The following PACRG variants were observed in gnomAD, a reference collection of about 807,000 sequenced individuals.
PACRG encodes the protein parkin coregulated.
Under a neutral mutation model 29.7 loss-of-function variants are expected in PACRG, and 29 were observed. The ratio of observed to expected loss-of-function variants is 0.98; its 90% confidence interval spans 0.73 to 1.33. PACRG has a LOEUF of 1.33. PACRG is among the 40% of genes most tolerant of loss of function. PACRG has a pLI of 0.00. For missense variants in PACRG, 279 were observed against 316.2 expected (o/e 0.88, Z 0.89); for synonymous variants, 116 against 118.7 (o/e 0.98, Z 0.15).
At chr6:162,787,578 GTGTGTATATATATATATATATATATA>G (rs1784581923) in intron 1 of PACRG, among the ~76,000 whole-genome samples, 1 of 51,452 alleles carries the variant, frequency 1.9e-5, no homozygotes, top group East Asian at 8.0e-4. Context: ...GTGTGTGTGT[GTGTGTATATATATATATATATATATA>G]TATATATATA....
intron 2 of PACRG, among the ~76,000 whole-genome samples, chr6:163,022,525 T>C (rs6925989): frequency 0.55 from 84,093 of 152,054 alleles, 25,716 homozygotes; most frequent in East Asian, 0.96. Context: ...ACTGGAGTTC[T>C]GACGAGGAGC....
At chr6:163,271,165 A>G (rs2321510) in intron 4 of PACRG, among the ~76,000 whole-genome samples, 99,428 of 151,742 alleles carry the variant, frequency 0.66, 32,589 homozygotes, top group Middle Eastern at 0.69. Context: ...CGGGAGAAAG[A>G]TGAAGGCCAG....
intron 4 of PACRG, chr6:163,182,687 A>T (rs1384901610): frequency 6.6e-6 from 1 of 152,250 alleles, no homozygotes. Flanking sequence ...TAAATGTAGC[A>T]TTTTCACCTA....
intron 2 of PACRG, among the ~76,000 whole-genome samples, chr6:162,820,691 A>G (rs551309957): frequency 6.6e-6 from 1 of 152,344 alleles, no homozygotes; most frequent in South Asian, 2.1e-4. Context: ...TAAAACTGAT[A>G]TTGACTTTTG....
At chr6:163,047,941 T>G (rs187337980) in intron 2 of PACRG, among the ~76,000 whole-genome samples, 2 of 152,356 alleles carry the variant, frequency 1.3e-5, no homozygotes, top group East Asian at 3.9e-4. Flanking sequence ...TCTTAAAGTG[T>G]TTGTTTTACT....
At chr6:163,103,551 G>A (rs557588349) in intron 4 of PACRG, among the ~76,000 whole-genome samples, 2 of 152,244 alleles carry the variant, frequency 1.3e-5, no homozygotes, top group Admixed American at 1.3e-4. Context: ...GAACTATGTG[G>A]AATAATCCCT....
At chr6:163,114,624 T>A in intron 4 of PACRG, among the ~76,000 whole-genome samples, 1 of 152,232 alleles carries the variant, frequency 6.6e-6, no homozygotes, top group Non-Finnish European at 1.5e-5. Flanking sequence ...TATTACATGA[T>A]CTCACTTATA....
intron 2 of PACRG, among the ~76,000 whole-genome samples, chr6:162,985,560 C>T (rs934735726): frequency 3.3e-5 from 5 of 151,952 alleles, no homozygotes; most frequent in Non-Finnish European, 5.9e-5. Context: ...CATATCTTAA[C>T]ATAATAAAAG....
intron 2 of PACRG, among the ~76,000 whole-genome samples, chr6:162,959,508 G>A (rs372552251): frequency 1.1e-4 from 17 of 152,176 alleles, no homozygotes; most frequent in African/African-American, 3.6e-4. Flanking sequence ...GCAATGGCCA[G>A]CATGGTTATG....
At chr6:162,763,882 A>G (rs1782571700) in intron 1 of PACRG, among the ~76,000 whole-genome samples, 1 of 152,236 alleles carries the variant, frequency 6.6e-6, no homozygotes, top group Non-Finnish European at 1.5e-5. Flanking sequence ...ACGGATATCA[A>G]ACAAATCCTG....
At chr6:162,984,635 A>G (rs769942489) in intron 2 of PACRG, among the ~76,000 whole-genome samples, 6 of 151,880 alleles carry the variant, frequency 4.0e-5, no homozygotes, top group Non-Finnish European at 7.4e-5. Context: ...ATTCCCATCA[A>G]CAGTGTAATG....
chr6:163,045,214 T>A (rs1470905093), intron 2 of PACRG, among the ~76,000 whole-genome samples: 1 of 152,102 alleles, frequency 6.6e-6, no homozygotes, highest in Non-Finnish European at 1.5e-5. Context: ...CCCTCCTCTG[T>A]GGCCAGCAGA....
chr6:162,749,303 G>A (rs1049197550), intron 1 of PACRG, among the ~76,000 whole-genome samples: 1 of 152,108 alleles, frequency 6.6e-6, no homozygotes, highest in African/African-American at 2.4e-5. Flanking sequence ...TAGCTGCACC[G>A]ACTGTCAAGA....
rs528835900 is a variant in PACRG at position 162,762,885 on chromosome 6, C to A, written c.156+34494C>A. ...TATGTTCAGATGTTAAGTATTTATA[C>A]TAGTTTACCATATATGTGCACTATG... On this transcript the variant is annotated intron_variant, in intron 1 of 4. Coordinates refer to ENST00000366888, the MANE Select transcript of PACRG (RefSeq NM_001080379.2). Among the ~76,000 whole-genome samples, 41 of 152,284 alleles carry A rather than the reference C, an allele frequency of 2.7e-4. No homozygotes were observed. The South Asian group carries it at 8.1e-3, about 30-fold the overall frequency.
At chr6:163,187,369 G>A (rs376051979) in intron 4 of PACRG, among the ~76,000 whole-genome samples, 95 of 152,064 alleles carry the variant, frequency 6.2e-4, no homozygotes, top group Non-Finnish European at 1.2e-3. Context: ...CCTGTGAAAG[G>A]CTTCTGTGCT....
chr6:162,795,552 T>G (rs1044513038), intron 1 of PACRG, among the ~76,000 whole-genome samples: 1 of 152,134 alleles, frequency 6.6e-6, no homozygotes, highest in African/African-American at 2.4e-5. Flanking sequence ...ATTTTTTTTT[T>G]GGAGATTTCC....
chr6:163,255,500 C>T (rs1783070836), intron 4 of PACRG, among the ~76,000 whole-genome samples: 1 of 152,134 alleles, frequency 6.6e-6, no homozygotes, highest in Non-Finnish European at 1.5e-5. Context: ...GTCTGAGGGT[C>T]AAGCAGGATG....
At chr6:163,301,005 T>G (rs13211965) in intron 4 of PACRG, among the ~76,000 whole-genome samples, 5 of 94,420 alleles carry the variant, frequency 5.3e-5, no homozygotes, top group African/African-American at 1.3e-4. Flanking sequence ...GTCCGCTGCT[T>G]CCCGTGAGTT....
chr6:163,212,752 GAA>G (rs1781202436), intron 4 of PACRG, among the ~76,000 whole-genome samples: 1 of 151,380 alleles, frequency 6.6e-6, no homozygotes, highest in African/African-American at 2.4e-5. Flanking sequence ...ATAAAGGGAA[GAA>G]GAGTAACTTT....
Sources: gnomAD v4.1 joint callset for allele counts (sites outside exome capture counted in the v4.1 genomes callset) on GRCh38, gnomAD v4.1.1 for gene constraint, MANE v1.5 for transcripts, NCBI Gene and HGNC (gene_info 2026-07-23, HGNC 2026-07-21) for gene names.